ARL15: variants seen among roughly 807,000 people sequenced by gnomAD.
ARL15 encodes ADP-ribosylation factor-like protein 15.
Under a neutral mutation model 25.2 loss-of-function variants are expected in ARL15, and 19 were observed. That is an observed-to-expected ratio of 0.75 (90% confidence interval 0.53 to 1.10). ARL15 has a LOEUF of 1.10. ARL15 is among the 50% of genes least tolerant of loss of function. ARL15 has a pLI of 0.00. For missense variants in ARL15, 220 were observed against 246.0 expected (o/e 0.89, Z 0.71); for synonymous variants, 94 against 86.8 (o/e 1.08, Z -0.46).
intron 4 of ARL15, among the ~76,000 whole-genome samples, chr5:54,080,941 C>A (rs1751778272): frequency 6.6e-6 from 1 of 152,144 alleles, no homozygotes; most frequent in African/African-American, 2.4e-5. Context: ...TGCAGATGGC[C>A]ACTTCCTAGC....
rs188512289 is a variant in ARL15 at position 53,955,184 on chromosome 5, C to A, written c.463-68471G>T. ...ATAGCAGCACAGCTGGAAGACTCTA[C>A]ACCCTTCCATTCAATCCTGATACCC... On this transcript the variant is annotated intron_variant, in intron 4 of 4. Coordinates refer to ENST00000504924, the MANE Select transcript of ARL15 (RefSeq NM_019087.3). Among the ~76,000 whole-genome samples the A allele has an allele frequency of 4.6e-5, 7 of 151,586 alleles. No homozygotes were observed. The East Asian group carries it at 1.2e-3, about 25-fold the overall frequency.
At chr5:53,967,201 A>T (rs57237674) in intron 4 of ARL15, among the ~76,000 whole-genome samples, 8,392 of 152,246 alleles carry the variant, frequency 0.055, 231 homozygotes, top group Middle Eastern at 0.095. Context: ...TTAGTTTAAA[A>T]TTTTTGTTTA....
At chr5:53,902,223 G>A (rs995759499) in intron 4 of ARL15, among the ~76,000 whole-genome samples, 1 of 152,104 alleles carries the variant, frequency 6.6e-6, no homozygotes, top group Non-Finnish European at 1.5e-5. Flanking sequence ...ACAAATACAC[G>A]TCAAACGATT....
chr5:53,943,728 C>T (rs924769321), intron 4 of ARL15, among the ~76,000 whole-genome samples: 1 of 152,092 alleles, frequency 6.6e-6, no homozygotes, highest in East Asian at 1.9e-4. Flanking sequence ...AAGGAAAGTG[C>T]TCAAGGAACT....
At chr5:54,275,040 G>C (rs1240331441) in intron 1 of ARL15, among the ~76,000 whole-genome samples, 1 of 152,148 alleles carries the variant, frequency 6.6e-6, no homozygotes, top group Admixed American at 6.5e-5. Flanking sequence ...ATATCATAAA[G>C]AAAACACTAG....
intron 2 of ARL15, among the ~76,000 whole-genome samples, chr5:54,169,874 T>A (rs1218092462): frequency 6.6e-6 from 1 of 152,084 alleles, no homozygotes; most frequent in Non-Finnish European, 1.5e-5. Flanking sequence ...CTGCTAATCT[T>A]CTCTGGGGTC....
intron 4 of ARL15, among the ~76,000 whole-genome samples, chr5:53,979,043 T>C (rs1748035936): frequency 6.6e-6 from 1 of 152,188 alleles, no homozygotes; most frequent in African/African-American, 2.4e-5. Flanking sequence ...AGGGAGTCAG[T>C]ATTCTCATTT....
chr5:54,199,614 G>A (rs1161821385), intron 1 of ARL15, among the ~76,000 whole-genome samples: 1 of 151,610 alleles, frequency 6.6e-6, no homozygotes, highest in Non-Finnish European at 1.5e-5. Context: ...ACACCAGTTA[G>A]AATGGCAGTC....
intron 4 of ARL15, among the ~76,000 whole-genome samples, chr5:53,976,069 G>A (rs1157143373): frequency 6.6e-6 from 1 of 152,144 alleles, no homozygotes; most frequent in Admixed American, 6.5e-5. Context: ...TGTTTCCTTA[G>A]TTCATTCATC....
chr5:54,079,015 GATTTA>G (rs1201408514), intron 4 of ARL15, among the ~76,000 whole-genome samples: 10 of 152,040 alleles, frequency 6.6e-5, no homozygotes, highest in Non-Finnish European at 1.3e-4. Context: ...TAAAACATCA[GATTTA>G]ATTTACTGTT....
intron 4 of ARL15, among the ~76,000 whole-genome samples, chr5:54,102,065 T>C (rs1227733782): frequency 6.6e-6 from 1 of 150,976 alleles, no homozygotes; most frequent in South Asian, 2.1e-4. Context: ...TAGACTGGAG[T>C]GCAGTGATGA....
chr5:54,003,205 G>T (rs1232140931), intron 4 of ARL15, among the ~76,000 whole-genome samples: 1 of 152,208 alleles, frequency 6.6e-6, no homozygotes. Context: ...ATGTACCACA[G>T]TGGGGGAAAT....
intron 4 of ARL15, among the ~76,000 whole-genome samples, chr5:53,958,054 A>G (rs1747224275): frequency 6.6e-6 from 1 of 151,998 alleles, no homozygotes; most frequent in Admixed American, 6.6e-5. Flanking sequence ...TACAAAAAAT[A>G]CAAAAATTAA....
At chr5:54,060,813 T>C (rs1579751993) in intron 4 of ARL15, among the ~76,000 whole-genome samples, 1 of 152,296 alleles carries the variant, frequency 6.6e-6, no homozygotes, top group Non-Finnish European at 1.5e-5. Context: ...TTGAGAGAGA[T>C]GATTTAGGGT....
At chr5:54,173,055 C>T (rs567415114) in intron 1 of ARL15, among the ~76,000 whole-genome samples, 1 of 151,864 alleles carries the variant, frequency 6.6e-6, no homozygotes, top group Non-Finnish European at 1.5e-5. Flanking sequence ...TGGTGGCAGG[C>T]ACCTGTAATT....
At chr5:54,044,240 A>AT (rs1196537602) in intron 4 of ARL15, among the ~76,000 whole-genome samples, 9,499 of 128,666 alleles carry the variant, frequency 0.074, 767 homozygotes, top group African/African-American at 0.18. Flanking sequence ...CCATTATTTA[A>AT]TTTTTTTTTT....
At chr5:53,910,994 A>G (rs1054380086) in intron 4 of ARL15, among the ~76,000 whole-genome samples, 1 of 152,132 alleles carries the variant, frequency 6.6e-6, no homozygotes, top group African/African-American at 2.4e-5. Flanking sequence ...TAGACAAAAT[A>G]AAAATAAAGT....
chr5:54,093,878 TG>T (rs1209465793), intron 4 of ARL15, among the ~76,000 whole-genome samples: 1 of 152,224 alleles, frequency 6.6e-6, no homozygotes, highest in African/African-American at 2.4e-5. Context: ...ATCAAGGATC[TG>T]CTATAAAAAC....
intron 4 of ARL15, among the ~76,000 whole-genome samples, chr5:53,990,118 C>T (rs1748435557): frequency 6.6e-6 from 1 of 152,062 alleles, no homozygotes; most frequent in African/African-American, 2.4e-5. Context: ...GTCCCAGCTA[C>T]TTGAGAGGCT....
Sources: allele counts gnomAD v4.1 joint callset (sites outside exome capture counted in the v4.1 genomes callset), GRCh38; gene constraint gnomAD v4.1.1; transcripts MANE v1.5; gene names NCBI Gene and HGNC (gene_info 2026-07-23, HGNC 2026-07-21).